NECAB1: variants seen among roughly 807,000 people sequenced by gnomAD.
The protein encoded by NECAB1 is N-terminal EF-hand calcium binding protein 1.
NECAB1 carries 29 observed loss-of-function variants against 57.5 expected under a neutral mutation model. The observed-to-expected ratio is 0.50, with a 90% confidence interval of 0.38 to 0.69. The LOEUF is 0.69. Among genes scored for constraint, NECAB1 ranks in the 30% least tolerant of loss-of-function variants. The probability of loss-of-function intolerance (pLI) is 0.00; values close to 1 mark genes in which losing one functional copy is unlikely to be tolerated. For missense variants in NECAB1, 372 were observed against 413.8 expected (o/e 0.90, Z 0.88); for synonymous variants, 142 against 147.7 (o/e 0.96, Z 0.28).
intron 5 of NECAB1, among the ~76,000 whole-genome samples, chr8:90,912,789 T>C (rs940352344): frequency 5.3e-5 from 8 of 152,172 alleles, no homozygotes; most frequent in Non-Finnish European, 1.0e-4. Context: ...AAGTGGGACA[T>C]AGATAATGTG....
chr8:90,938,623 A>G (rs1810597324), intron 9 of NECAB1, among the ~76,000 whole-genome samples: 1 of 152,186 alleles, frequency 6.6e-6, no homozygotes, highest in African/African-American at 2.4e-5. Context: ...AAACTTAGGC[A>G]GATTATCTGG....
chr8:90,925,643 T>C lies in NECAB1; in HGVS notation c.603T>C (p.Asn201=), dbSNP rs1810247128. ...TCTCCCCAAACAGCCCTCAGTTTAA[T>C]GTCAGCGGTCCAGGTAACATACCCT... The part of the protein sequence containing the change: ...NSFSPNSPQF[N]VSGPGLLEED... The change falls in exon 7 of 13, where the codon AAT becomes AAC. Residue 201 remains asparagine, a synonymous_variant. Coordinates refer to ENST00000417640, the MANE Select transcript of NECAB1 (RefSeq NM_022351.5). 8.1e-6 allele frequency: 13 copies of C among 1,613,876 alleles called. No homozygotes were observed. Among genetic ancestry groups the C allele is most frequent in the Non-Finnish European group, 1.1e-5 (13 of 1,179,814 alleles).
At chr8:90,903,917 C>T (rs1041091828) in intron 5 of NECAB1, 5 of 152,234 alleles carry the variant, frequency 3.3e-5, no homozygotes, top group South Asian at 2.1e-4. Flanking sequence ...ACCAGCACCC[C>T]GCAAGGTAAG....
intron 5 of NECAB1, among the ~76,000 whole-genome samples, chr8:90,882,906 T>C (rs542477057): frequency 2.7e-4 from 41 of 152,304 alleles, no homozygotes; most frequent in African/African-American, 9.4e-4. Context: ...ATTAAATTAA[T>C]TGATTGGTTA....
At chr8:90,851,569 G>C (rs1319899102) in intron 3 of NECAB1, among the ~76,000 whole-genome samples, 1 of 151,586 alleles carries the variant, frequency 6.6e-6, no homozygotes, top group Non-Finnish European at 1.5e-5. Flanking sequence ...GTATTTTGTG[G>C]GTATAGAAAA....
At chr8:90,943,978 C>G (rs944787181) in intron 10 of NECAB1, among the ~76,000 whole-genome samples, 55 of 152,138 alleles carry the variant, frequency 3.6e-4, no homozygotes, top group African/African-American at 1.3e-3. Context: ...TCTTGAACCC[C>G]CAGGCTCAAG....
chr8:90,824,280 T>G lies in NECAB1; in HGVS notation c.125-437T>G, dbSNP rs138632244. On this transcript the variant is annotated intron_variant, in intron 2 of 12. Transcript: ENST00000417640. ...ATGGACATAGTTTGTTAGACTATAA[T>G]AACAACTCTGATATACATTTATTAA... Among the ~76,000 whole-genome samples the G allele has an allele frequency of 4.9e-3, 737 of 151,948 alleles. 8 individuals are homozygous for G. The highest frequency in any genetic ancestry group is 0.017 in the African/African-American group (686 of 41,494).
Position 90,957,831 on chromosome 8 carries a change from A to T in NECAB1, c.*2319A>T, listed in dbSNP as rs1015663979. ...TTCCTAAAGAACAAAGTAGTAAAAT[A>T]AAAAAAAATTTAAAAAATTAAAAAA... is the stretch of plus-strand genomic sequence containing the variant. On this transcript the variant is annotated 3_prime_UTR_variant, in exon 13 of 13. Coordinates refer to ENST00000417640, the MANE Select transcript of NECAB1 (RefSeq NM_022351.5). 1 of 150,178 alleles carries T rather than the reference A, an allele frequency of 6.7e-6. No individual in the cohort carries two copies. The highest frequency in any genetic ancestry group is 2.4e-5 in the African/African-American group (1 of 41,234). The allele number at this position is 150,178 out of a possible 1,614,324, so 9.3% of individuals were successfully genotyped here.
chr8:90,924,325 G>T (rs946712003), intron 6 of NECAB1, among the ~76,000 whole-genome samples: 1 of 152,044 alleles, frequency 6.6e-6, no homozygotes, highest in African/African-American at 2.4e-5. Flanking sequence ...AAGCAATTAG[G>T]GGATATTTTC....
intron 8 of NECAB1, among the ~76,000 whole-genome samples, chr8:90,933,448 CTAT>C (rs1312734225): frequency 6.6e-6 from 1 of 152,124 alleles, no homozygotes; most frequent in Non-Finnish European, 1.5e-5. Context: ...GGACTGGAGA[CTAT>C]TATTCCAAGT....
At chr8:90,846,610 C>T (rs557919278) in intron 3 of NECAB1, among the ~76,000 whole-genome samples, 3 of 152,234 alleles carry the variant, frequency 2.0e-5, no homozygotes, top group African/African-American at 7.2e-5. Context: ...CATTCTCATG[C>T]TGCTAATAAA....
chr8:90,797,757 G>C (rs540766742), intron 1 of NECAB1, among the ~76,000 whole-genome samples: 34 of 152,254 alleles, frequency 2.2e-4, no homozygotes, highest in Admixed American at 8.5e-4. Context: ...AATGCAAACT[G>C]TTTTAAGATT....
chr8:90,854,047 G>A (rs1318982361), intron 3 of NECAB1, among the ~76,000 whole-genome samples: 3 of 152,126 alleles, frequency 2.0e-5, no homozygotes, highest in African/African-American at 4.8e-5. Flanking sequence ...GTGAGTTTCA[G>A]GTCCTTGATA....
At chr8:90,945,128 C>T (rs1156849714) in intron 10 of NECAB1, among the ~76,000 whole-genome samples, 1 of 151,932 alleles carries the variant, frequency 6.6e-6, no homozygotes, top group South Asian at 2.1e-4. Context: ...CCCAGGCTTG[C>T]GTGATCTTGG....
Position 90,907,122 on chromosome 8 carries a change from TTGTG to T in NECAB1, c.358-10343_358-10340del, listed in dbSNP as rs111590584. 9.1e-3 allele frequency among the ~76,000 whole-genome samples: 1,183 copies of T among 129,700 alleles called. 11 individuals are homozygous for T. Among genetic ancestry groups the T allele is most frequent in the African/African-American group, 0.02 (633 of 31,720 alleles). 85.1% of individuals were successfully genotyped at this position (129,700 alleles called of 152,430 possible). A position where few individuals can be genotyped will look rare whatever the true frequency, so the allele number is the denominator to read the frequency against. ...TTTACTTCTTATAATCCACCCAATT[TTGTG>T]TGTGTGTGTGTGTGTGTGTGTGTGT... On this transcript the variant is annotated intron_variant, in intron 5 of 12. Transcript: ENST00000417640.
At chr8:90,796,744 T>C (rs1223503754) in intron 1 of NECAB1, among the ~76,000 whole-genome samples, 1 of 152,196 alleles carries the variant, frequency 6.6e-6, no homozygotes, top group Non-Finnish European at 1.5e-5. Flanking sequence ...TACCATAACG[T>C]AATGAACTTG....
At chr8:90,942,107 A>C (rs1368596544) in intron 10 of NECAB1, among the ~76,000 whole-genome samples, 1 of 152,174 alleles carries the variant, frequency 6.6e-6, no homozygotes, top group African/African-American at 2.4e-5. Context: ...TCTAGCTAAG[A>C]AGTCTGGCTC....
At chr8:90,835,271 CA>C (rs1812353431) in intron 3 of NECAB1, among the ~76,000 whole-genome samples, 1 of 152,132 alleles carries the variant, frequency 6.6e-6, no homozygotes, top group African/African-American at 2.4e-5. Flanking sequence ...CCTGCTTCCT[CA>C]AATCTCATGC....
At chr8:90,942,824 G>A (rs1163046203) in intron 10 of NECAB1, among the ~76,000 whole-genome samples, 1 of 152,196 alleles carries the variant, frequency 6.6e-6, no homozygotes, top group Non-Finnish European at 1.5e-5. Flanking sequence ...GGAGGTTGCA[G>A]TGAGCCGAGA....
Sources: gnomAD v4.1 joint callset for allele counts (sites outside exome capture counted in the v4.1 genomes callset) on GRCh38, gnomAD v4.1.1 for gene constraint, MANE v1.5 for transcripts, NCBI Gene and HGNC (gene_info 2026-07-23, HGNC 2026-07-21) for gene names.